The following GHR variants were observed in gnomAD, a reference collection of about 807,000 sequenced individuals.
GHR encodes GH receptor.
In GHR, 35 loss-of-function variants were observed where a neutral mutation model predicts 67.1. The observed-to-expected ratio is 0.52, with a 90% CI of 0.40 to 0.69. GHR has a LOEUF of 0.69. GHR is among the 30% of genes least tolerant of loss of function. The pLI is 0.00. For missense variants in GHR, 792 were observed against 764.6 expected, an observed-to-expected ratio of 1.04 and a Z score of -0.42; for synonymous variants, 272 against 269.1, an observed-to-expected ratio of 1.01 and a Z score of -0.10.
At chr5:42,609,986 G>T (rs1213544628) in intron 2 of GHR, among the ~76,000 whole-genome samples, 1 of 152,078 alleles carries the variant, frequency 6.6e-6, no homozygotes, top group African/African-American at 2.4e-5. Flanking sequence ...GGCATGAAAG[G>T]GCCTTGACAG....
intron 2 of GHR, among the ~76,000 whole-genome samples, chr5:42,616,299 A>G (rs935260738): frequency 3.9e-5 from 6 of 152,062 alleles, no homozygotes; most frequent in Non-Finnish European, 7.4e-5. Context: ...GGCTATAATA[A>G]TAGCAAAGGA....
At position 42,694,961 on chromosome 5, in the gene GHR, A is replaced by C. The variant is rs1757600477; in HGVS notation, c.311A>C (p.Tyr104Ser). 8 of 1,611,656 alleles carry C rather than the reference A, an allele frequency of 5.0e-6. No individual in the cohort carries two copies. The highest frequency in any genetic ancestry group is 5.9e-6 in the Non-Finnish European group (7 of 1,178,348). Residue 104 changes from tyrosine (Y) to serine (S), a missense_variant, in exon 5 of 10, where the codon TAT becomes TCT. Coordinates refer to ENST00000230882, the MANE Select transcript of GHR (RefSeq NM_000163.5). The stretch of plus-strand genomic sequence containing the variant: ...CAAGAATGGAAAGAATGCCCTGATT[A>C]TGTTTCTGCTGGGGAAAACAGCTGT... ...WTQEWKECPD[Y>S]VSAGENSCYF...
intron 1 of GHR, chr5:42,468,677 C>G (rs1744852281): frequency 3.0e-6 from 3 of 1,000,278 alleles, no homozygotes; most frequent in East Asian, 2.4e-5. Flanking sequence ...ATTTGCCTGC[C>G]GCCTTGGAGT....
At chr5:42,532,946 C>A (rs908978243) in intron 1 of GHR, among the ~76,000 whole-genome samples, 1 of 152,090 alleles carries the variant, frequency 6.6e-6, no homozygotes, top group Non-Finnish European at 1.5e-5. Context: ...GTTCTTCTCA[C>A]ATATATATCA....
chr5:42,567,230 G>A (rs1004647104), intron 2 of GHR, among the ~76,000 whole-genome samples: 7 of 152,138 alleles, frequency 4.6e-5, no homozygotes, highest in Admixed American at 2.6e-4. Context: ...GGCAAGATTT[G>A]AGGAATTTAA....
At chr5:42,673,068 CA>C (rs1405115059) in intron 3 of GHR, among the ~76,000 whole-genome samples, 1 of 151,822 alleles carries the variant, frequency 6.6e-6, no homozygotes, top group East Asian at 1.9e-4. Context: ...ATTGAGCAAA[CA>C]AAAAACAACC....
chr5:42,674,373 A>G (rs62372042), intron 3 of GHR, among the ~76,000 whole-genome samples: 39,486 of 152,132 alleles, frequency 0.26, 5,542 homozygotes, highest in Admixed American at 0.37. Context: ...CCCAAATAGC[A>G]TAAAATCCAC....
At chr5:42,502,711 A>G (rs1413909795) in intron 1 of GHR, among the ~76,000 whole-genome samples, 1 of 151,554 alleles carries the variant, frequency 6.6e-6, no homozygotes, top group Non-Finnish European at 1.5e-5. Context: ...CTCTGCATCC[A>G]AATTTCTTTT....
intron 1 of GHR, among the ~76,000 whole-genome samples, chr5:42,438,577 C>T (rs1743435643): frequency 1.3e-5 from 2 of 152,152 alleles, no homozygotes; most frequent in Admixed American, 6.5e-5. Flanking sequence ...AACCAGCTGC[C>T]ATGTTTTGAG....
In GHR at chr5:42,474,337, GA is replaced by G. The variant is rs369485310; in HGVS notation, c.-12+50386del. Among the ~76,000 whole-genome samples the G allele has an allele frequency of 1.9e-3, 80 of 41,752 alleles. No individual in the cohort carries two copies. In the East Asian group the frequency reaches 0.021, roughly 11 times the overall value. The allele number at this position is 41,752 out of a possible 152,430, so 27.4% of individuals were successfully genotyped here. A position where few individuals can be genotyped will look rare whatever the true frequency, so the allele number is the denominator to read the frequency against. On this transcript the variant is annotated intron_variant, in intron 1 of 9. Transcript: ENST00000230882. ...AGAAAGAAAGAAAGAAAGAAAGAAA[GA>G]AAAGAAATAAAGAAAGAAAGCAAAG...
chr5:42,484,548 A>T (rs1745795008), intron 1 of GHR, among the ~76,000 whole-genome samples: 1 of 152,238 alleles, frequency 6.6e-6, no homozygotes, highest in Admixed American at 6.5e-5. Flanking sequence ...AGAAATATGC[A>T]GCCTGCTGCT....
rs548453305 is a variant in GHR, at chr5:42,430,289, G to C, written c.-12+6334G>C. 1.4e-4 allele frequency among the ~76,000 whole-genome samples: 21 copies of C among 152,280 alleles called. No homozygotes were observed. The South Asian group carries it at 4.4e-3, about 32-fold the overall frequency. ...TTTATGTATCTGTCTTGGGCTTCCA[G>C]CTAAATTGTGAATTCCCCTTGCCAC... is the stretch of plus-strand genomic sequence containing the variant. On this transcript the variant is annotated intron_variant, in intron 1 of 9. Transcript: ENST00000230882.
At chr5:42,468,713 C>A (rs1310353754) in intron 1 of GHR, 1 of 979,784 alleles carries the variant, frequency 1.0e-6, no homozygotes, top group Non-Finnish European at 1.6e-6. Context: ...CCTGAGCTGC[C>A]GCTCTTGGCC....
chr5:42,506,589 AC>A (rs1746787805), intron 1 of GHR, among the ~76,000 whole-genome samples: 1 of 152,162 alleles, frequency 6.6e-6, no homozygotes, highest in Non-Finnish European at 1.5e-5. Context: ...CTATTTGTTA[AC>A]TTTTAACAGG....
chr5:42,615,361 C>T (rs1753091769), intron 2 of GHR, among the ~76,000 whole-genome samples: 1 of 152,046 alleles, frequency 6.6e-6, no homozygotes, highest in Non-Finnish European at 1.5e-5. Context: ...CATTTTAGCT[C>T]TTAGGAGCCT....
At chr5:42,557,829 T>C (rs1016478136) in intron 1 of GHR, among the ~76,000 whole-genome samples, 3 of 152,150 alleles carry the variant, frequency 2.0e-5, no homozygotes, top group African/African-American at 7.2e-5. Flanking sequence ...GTGTCCAGGG[T>C]TTACTCAACA....
chr5:42,624,196 A>C (rs1476870788), intron 2 of GHR, among the ~76,000 whole-genome samples: 1 of 152,186 alleles, frequency 6.6e-6, no homozygotes, highest in Non-Finnish European at 1.5e-5. Context: ...AAGTCACAAG[A>C]TGTCTGTTTG....
At chr5:42,699,650 A>T (rs907041731) in intron 5 of GHR, among the ~76,000 whole-genome samples, 174 bp from the exon 6 acceptor site, 12 of 146,410 alleles carry the variant, frequency 8.2e-5, no homozygotes, top group Non-Finnish European at 1.3e-4. Context: ...TCCTTGAGTT[A>T]AAAAAAAAAG....
chr5:42,643,052 C>T (rs1283287328), intron 3 of GHR, among the ~76,000 whole-genome samples: 1 of 151,992 alleles, frequency 6.6e-6, no homozygotes, highest in Non-Finnish European at 1.5e-5. Context: ...ACCCTTTTTC[C>T]AACTAAAGTC....
Sources: allele counts gnomAD v4.1 joint callset (sites outside exome capture counted in the v4.1 genomes callset), GRCh38; gene constraint gnomAD v4.1.1; transcripts MANE v1.5; gene names NCBI Gene and HGNC (gene_info 2026-07-23, HGNC 2026-07-21).